Variants in PCDHA10 observed in about 807,000 individuals in gnomAD.
PCDHA10 encodes protocadherin alpha-10.
A neutral mutation model predicts 61.2 loss-of-function variants in PCDHA10; 45 were observed. The observed-to-expected ratio is 0.74, with a 90% CI of 0.58 to 0.94. PCDHA10 has a LOEUF of 0.94. Among genes scored for constraint, PCDHA10 ranks in the 40% least tolerant of loss-of-function variants. The pLI is 0.00. For missense variants in PCDHA10, 1,278 were observed against 1,236.2 expected, an observed-to-expected ratio of 1.03 and a Z score of -0.51; for synonymous variants, 602 against 548.8, an observed-to-expected ratio of 1.10 and a Z score of -1.35.
At chr5:140,940,080 T>C (rs1213223425) in intron 1 of PCDHA10, among the ~76,000 whole-genome samples, 3 of 152,248 alleles carry the variant, frequency 2.0e-5, no homozygotes, top group African/African-American at 7.2e-5. Flanking sequence ...GATATCTTTC[T>C]GCTAAATTGA....
chr5:140,896,959 T>C (rs1486927062), intron 1 of PCDHA10, among the ~76,000 whole-genome samples: 1 of 152,204 alleles, frequency 6.6e-6, no homozygotes, highest in Non-Finnish European at 1.5e-5. Context: ...CCTTAAACAT[T>C]TATTCTTTGC....
At chr5:140,884,833 C>G in intron 1 of PCDHA10, 1 of 916,634 alleles carries the variant, frequency 1.1e-6, no homozygotes, top group Non-Finnish European at 1.5e-6. Context: ...GTTGGATTAT[C>G]CTTCAGAGTG....
chr5:140,887,387 C>T (rs959255749), intron 1 of PCDHA10, among the ~76,000 whole-genome samples: 8 of 152,106 alleles, frequency 5.3e-5, no homozygotes, highest in Non-Finnish European at 1.5e-5. Context: ...TGAGCCACCG[C>T]GCCCGGCTCT....
In PCDHA10 at chr5:141,006,221, T is replaced by C. The variant is rs559314025; in HGVS notation, c.2537-3406T>C. Among the ~76,000 whole-genome samples, 485 of 152,162 alleles carry C rather than the reference T, an allele frequency of 3.2e-3. 7 individuals carry two copies. The highest frequency in any genetic ancestry group is 0.01 in the Middle Eastern group (3 of 294). On this transcript the variant is annotated intron_variant, in intron 3 of 3. Transcript: ENST00000307360. Reference sequence around the variant, plus strand: ...GTTATGCCTCATTTTTTTTTAAATTTTTTATTTTTAGATGGAGTCTTGCTC... The same window carrying C: ...GTTATGCCTCATTTTTTTTTAAATTCTTTATTTTTAGATGGAGTCTTGCTC...
In PCDHA10 at chr5:140,983,247, G is replaced by A. The variant is rs112993813; in HGVS notation, c.2536+684G>A. ...ACTTTCAGGAAAGAGAACCTGCTAA[G>A]TTGTGTAAAAAACCTAATGGCTGGG... On this transcript the variant is annotated intron_variant, in intron 3 of 3. Coordinates refer to ENST00000307360, the MANE Select transcript of PCDHA10 (RefSeq NM_018901.4). Among the ~76,000 whole-genome samples the A allele has an allele frequency of 9.0e-3, 1,377 of 152,306 alleles. 16 individuals are homozygous for A. The highest frequency in any genetic ancestry group is 0.043 in the East Asian group (224 of 5,190).
chr5:140,856,338 G>T lies in PCDHA10; in HGVS notation c.290G>T (p.Arg97Leu), dbSNP rs781903292. The T allele has an allele frequency of 3.9e-5, 62 of 1,598,498 alleles. 11 individuals are homozygous for T. In the Admixed American group the frequency reaches 1.0e-3, roughly 27 times the overall value. Residue 97 changes from arginine (R) to leucine (L), a missense_variant, in exon 1 of 4, where the codon CGG becomes CTG. Arg to Leu is a moderately radical substitution (Grantham distance 102, BLOSUM62 -2). Coordinates refer to ENST00000307360, the MANE Select transcript of PCDHA10 (RefSeq NM_018901.4). ...SRIDREELCG[R>L]SVECSIHLEV... ...ATTGACCGCGAGGAGCTGTGCGGGC[G>T]GAGCGTGGAGTGCAGCATCCACCTG...
intron 1 of PCDHA10, chr5:140,870,474 C>T (rs1554164302): frequency 6.2e-7 from 1 of 1,614,218 alleles, no homozygotes; most frequent in Non-Finnish European, 8.5e-7. Context: ...TCGCACAGCC[C>T]GAGTACACCG....
chr5:140,966,470 T>C, intron 1 of PCDHA10: 1 of 431,298 alleles, frequency 2.3e-6, no homozygotes, highest in Non-Finnish European at 4.0e-6. Context: ...TCTTCCCTTC[T>C]GTTTCCTTTT....
intron 1 of PCDHA10, chr5:140,869,884 G>C: frequency 1.9e-6 from 3 of 1,610,396 alleles, no homozygotes; most frequent in Non-Finnish European, 2.5e-6. Context: ...AGAAACTCTT[G>C]TGCTCAAACT....
intron 1 of PCDHA10, among the ~76,000 whole-genome samples, chr5:140,899,726 T>A (rs1406076879): frequency 6.6e-6 from 1 of 152,236 alleles, no homozygotes; most frequent in East Asian, 1.9e-4. Flanking sequence ...CCTCTTTTTC[T>A]ATTGATTGGA....
At chr5:140,880,694 A>C (rs1254061280) in intron 1 of PCDHA10, among the ~76,000 whole-genome samples, 1 of 152,228 alleles carries the variant, frequency 6.6e-6, no homozygotes, top group Non-Finnish European at 1.5e-5. Context: ...AGTCATGGTT[A>C]AGTGACAATG....
At chr5:141,005,718 A>T (rs1554260304) in intron 3 of PCDHA10, among the ~76,000 whole-genome samples, 1 of 149,548 alleles carries the variant, frequency 6.7e-6, no homozygotes, top group Non-Finnish European at 1.5e-5. Context: ...AAAAAAAAAA[A>T]AAAAAAAAAA....
chr5:140,934,053 G>A (rs2089601827), intron 1 of PCDHA10, among the ~76,000 whole-genome samples: 1 of 151,758 alleles, frequency 6.6e-6, no homozygotes, highest in African/African-American at 2.4e-5. Flanking sequence ...GTCTTTCCAA[G>A]GCTAACTTTT....
intron 1 of PCDHA10, among the ~76,000 whole-genome samples, chr5:140,963,510 G>A (rs536524403): frequency 1.8e-4 from 28 of 152,328 alleles, no homozygotes; most frequent in Non-Finnish European, 2.8e-4. Flanking sequence ...TCTTGAAGGG[G>A]TTCTCATAAC....
In PCDHA10 at chr5:141,009,879, A is replaced by T. The variant is rs2098415109; in HGVS notation, c.2789A>T (p.Asn930Ile). The T allele has an allele frequency of 1.2e-6, 2 of 1,613,766 alleles. No individual in the cohort carries two copies. The highest frequency in any genetic ancestry group is 3.3e-5 in the Admixed American group (2 of 59,900). Reference sequence around the variant, plus strand: ...AAAAAGAAGAAAAAGAAGAAGGGTAACAAGACCCAGGAGAAAAAAGAGAAA... The same window carrying T: ...AAAAAGAAGAAAAAGAAGAAGGGTATCAAGACCCAGGAGAAAAAAGAGAAA... The part of the protein sequence containing the change: ...TKKKKKKKKG[N>I]KTQEKKEKGN... Residue 930 changes from asparagine to isoleucine, a missense_variant, in exon 4 of 4, where the codon AAC (asparagine) becomes ATC (isoleucine). Coordinates refer to ENST00000307360, the MANE Select transcript of PCDHA10 (RefSeq NM_018901.4).
At chr5:140,867,971 C>A (rs1230179778) in intron 1 of PCDHA10, 2 of 152,032 alleles carry the variant, frequency 1.3e-5, no homozygotes, top group Non-Finnish European at 2.9e-5. Flanking sequence ...ATTCTTTCAA[C>A]AAGAAACAAA....
intron 1 of PCDHA10, among the ~76,000 whole-genome samples, chr5:140,915,956 A>G (rs1170172761): frequency 6.6e-6 from 1 of 151,996 alleles, no homozygotes; most frequent in African/African-American, 2.4e-5. Flanking sequence ...ATACTTAGAA[A>G]TTTGCCTGAT....
At chr5:140,877,801 C>T in intron 1 of PCDHA10, 1 of 1,613,416 alleles carries the variant, frequency 6.2e-7, no homozygotes, top group South Asian at 1.1e-5. Context: ...CCCAAGCCTT[C>T]AGCTGTCTCG....
intron 1 of PCDHA10, chr5:140,861,550 T>G: frequency 2.4e-6 from 1 of 415,394 alleles, no homozygotes; most frequent in South Asian, 2.1e-5. Flanking sequence ...CACCTGGAAG[T>G]GATCGTGGAC....
Sources: gnomAD v4.1 joint callset for allele counts (sites outside exome capture counted in the v4.1 genomes callset) on GRCh38, gnomAD v4.1.1 for gene constraint, MANE v1.5 for transcripts, NCBI Gene and HGNC (gene_info 2026-07-23, HGNC 2026-07-21) for gene names.